The following IL17RD variants were observed in gnomAD, a reference collection of about 807,000 sequenced individuals.
IL17RD encodes interleukin-17 receptor D.
Under a neutral mutation model 80.5 loss-of-function variants are expected in IL17RD, and 52 were observed. The observed-to-expected ratio is 0.65, with a 90% CI of 0.52 to 0.81. The LOEUF is 0.81. Ranked by LOEUF, IL17RD falls within the 40% of genes least tolerant of loss-of-function variation. IL17RD has a pLI of 0.00. For missense variants in IL17RD, 1,024 were observed against 955.1 expected, an observed-to-expected ratio of 1.07 and a Z score of -0.95; for synonymous variants, 416 against 391.8, an observed-to-expected ratio of 1.06 and a Z score of -0.73.
Position 57,101,259 on chromosome 3 carries a change from A to G in IL17RD, c.1084T>C (p.Tyr362His). 1 of 1,613,696 alleles carries G rather than the reference A, an allele frequency of 6.2e-7. No individual in the cohort carries two copies. Among genetic ancestry groups the G allele is most frequent in the African/African-American group, 1.3e-5 (1 of 75,056 alleles). ...TGATTCTGGCCATCTTTACTGGAAT[A>G]GCAGAGAAAGACCTTCGGCCGCGGC... ...LRPRPKVFLCYSSKDGQNHMN... is the reference protein window; with the variant it reads ...LRPRPKVFLCHSSKDGQNHMN... Residue 362 changes from tyrosine (Y) to histidine (H), a missense_variant, in exon 11 of 13, where the codon TAT becomes CAT. Coordinates refer to ENST00000296318, the MANE Select transcript of IL17RD (RefSeq NM_017563.5).
rs964560197 is a variant in IL17RD at position 57,152,491 on chromosome 3, G to A, written c.126+12670C>T. On this transcript the variant is annotated intron_variant, in intron 1 of 12. Transcript: ENST00000296318. ...GCCCAGTCCTGAAAGCTGAACAAAC[G>A]CCCGGCACACAGGCCTGCCTGCGCC... 1.2e-4 allele frequency among the ~76,000 whole-genome samples: 18 copies of A among 152,202 alleles called. 1 individual carries two copies. The highest frequency in any genetic ancestry group is 1.9e-4 in the Non-Finnish European group (13 of 68,040).
chr3:57,138,054 G>C (rs1363166724), intron 1 of IL17RD, among the ~76,000 whole-genome samples: 1 of 152,200 alleles, frequency 6.6e-6, no homozygotes, highest in African/African-American at 2.4e-5. Flanking sequence ...ATTTAGAGCA[G>C]TCAAATTCAT....
At chr3:57,125,296 A>G (rs1317669668) in intron 1 of IL17RD, among the ~76,000 whole-genome samples, 1 of 152,088 alleles carries the variant, frequency 6.6e-6, no homozygotes, top group African/African-American at 2.4e-5. Context: ...AATCCCAGCT[A>G]CTTGGAAGGC....
Position 57,165,179 on chromosome 3 carries a change from G to T in IL17RD, c.108C>A (p.Ala36=). ...GCCTTACCCTCCAGCCACAGGTGTC[G>T]GCGCCCCGCGCGCGGCCGGACCCGC... The part of the protein sequence containing the change: ...AAGGSGRARG[A]DTCGWRGVGP... Residue 36 remains alanine (A), a synonymous_variant, in exon 1 of 13, where the codon GCC becomes GCA. Transcript: ENST00000296318. The T allele has an allele frequency of 6.5e-7, 1 of 1,527,218 alleles. No individual in the cohort carries two copies. The highest frequency in any genetic ancestry group is 8.8e-7 in the Non-Finnish European group (1 of 1,138,552). 94.6% of individuals were successfully genotyped at this position (1,527,218 alleles called of 1,614,324 possible). A position where few individuals can be genotyped will look rare whatever the true frequency, so the allele number is the denominator to read the frequency against.
rs1706959021 is a variant in IL17RD at position 57,106,090 on chromosome 3, A to G, written c.595+20T>C. ...GTGGCGATACTTTGAGACTTGATAG[A>G]TAAGAACACTATTACTTACAGGGTT... On this transcript the variant is annotated intron_variant, in intron 6 of 12. Transcript: ENST00000296318. 2 of 1,611,076 alleles carry G rather than the reference A, an allele frequency of 1.2e-6. No individual in the cohort carries two copies. Among genetic ancestry groups the G allele is most frequent in the African/African-American group, 1.3e-5 (1 of 74,842 alleles).
rs868787583 is a variant in IL17RD, at chr3:57,138,560, C to T, written c.127-18247G>A. Among the ~76,000 whole-genome samples the T allele has an allele frequency of 1.3e-5, 2 of 151,994 alleles. 1 individual carries two copies. The highest frequency in any genetic ancestry group is 4.2e-4 in the South Asian group (2 of 4,802). On this transcript the variant is annotated intron_variant, in intron 1 of 12. Transcript: ENST00000296318. ...CAGGACTTGGTGACAAATACAATACCGAGGTGATGATGAAATATTCAAAGG... is the reference window on the plus strand; with the variant it reads ...CAGGACTTGGTGACAAATACAATACTGAGGTGATGATGAAATATTCAAAGG...
upstream of IL17RD, among the ~76,000 whole-genome samples, chr3:57,167,693 C>T (rs1219964692): frequency 2.0e-5 from 3 of 152,206 alleles, no homozygotes; most frequent in Non-Finnish European, 2.9e-5. Context: ...TTATACATTT[C>T]TAGAATCAGA....
At chr3:57,150,938 A>G (rs1708047087) in intron 1 of IL17RD, among the ~76,000 whole-genome samples, 1 of 152,200 alleles carries the variant, frequency 6.6e-6, no homozygotes, top group African/African-American at 2.4e-5. Context: ...GATTCCTGGA[A>G]AACACTTTGA....
rs1706949248 is a variant in IL17RD, at chr3:57,105,837, A to G, written c.747+20T>C. On this transcript the variant is annotated intron_variant, in intron 7 of 12. Coordinates refer to ENST00000296318, the MANE Select transcript of IL17RD (RefSeq NM_017563.5). ...GCTTTGAAACACGCAGTGTTCCTTT[A>G]TATACACCCAGCAGCTCACCTGCTT... 6.2e-7 allele frequency: 1 copy of G among 1,610,664 alleles called. No homozygotes were observed. The highest frequency in any genetic ancestry group is 1.1e-5 in the South Asian group (1 of 90,658).
Position 57,136,048 on chromosome 3 carries a change from G to A in IL17RD, c.127-15735C>T, listed in dbSNP as rs955966824. The stretch of plus-strand genomic sequence containing the variant: ...ATAAATGTAGGGGATTTTATGATTA[G>A]ATGACTGGTCTCCAGTGAATAACAG... On this transcript the variant is annotated intron_variant, in intron 1 of 12. Coordinates refer to ENST00000296318, the MANE Select transcript of IL17RD (RefSeq NM_017563.5). Among the ~76,000 whole-genome samples the A allele has an allele frequency of 1.1e-4, 16 of 152,140 alleles. 2 individuals are homozygous for A. The highest frequency in any genetic ancestry group is 9.8e-4 in the Admixed American group (15 of 15,278).
chr3:57,136,416 C>T (rs150051832), intron 1 of IL17RD, among the ~76,000 whole-genome samples: 25 of 152,132 alleles, frequency 1.6e-4, no homozygotes, highest in Admixed American at 6.5e-4. Context: ...CAGGAATGCT[C>T]GAGACCAGGA....
intron 1 of IL17RD, chr3:57,150,640 C>T (rs541347745): frequency 6.6e-6 from 1 of 152,316 alleles, no homozygotes; most frequent in South Asian, 2.1e-4. Context: ...CACCAGATTT[C>T]CTCTGGATGG....
At chr3:57,157,084 G>A (rs1420596222) in intron 1 of IL17RD, among the ~76,000 whole-genome samples, 4 of 152,186 alleles carry the variant, frequency 2.6e-5, no homozygotes, top group African/African-American at 9.7e-5. Context: ...GTATGGAGAA[G>A]CCTCACAGAG....
At chr3:57,117,718 CAG>C (rs1707246867) in intron 2 of IL17RD, among the ~76,000 whole-genome samples, 1 of 152,140 alleles carries the variant, frequency 6.6e-6, no homozygotes, top group African/African-American at 2.4e-5. Context: ...CTGTGGAAGA[CAG>C]AAATATCTTT....
rs891998219 is a variant in IL17RD at position 57,098,162 on chromosome 3, C to T, written c.1541G>A (p.Arg514Gln). The T allele has an allele frequency of 6.2e-6, 10 of 1,613,958 alleles. No individual in the cohort carries two copies. The highest frequency in any genetic ancestry group is 1.1e-5 in the South Asian group (1 of 91,074). ...LPQLCSHLHS[R>Q]DHGLQEPGQH... ...CCCCGGCTCCTGGAGGCCGTGGTCT[C>T]GGGAGTGCAAGTGGGAACAGAGCTG... is the stretch of plus-strand genomic sequence containing the variant. Residue 514 changes from arginine (R) to glutamine (Q), a missense_variant, in exon 12 of 13, where the codon CGA becomes CAA. Physicochemically the swap from Arg to Gln is conservative, Grantham distance 43 (BLOSUM62 1). Coordinates refer to ENST00000296318, the MANE Select transcript of IL17RD (RefSeq NM_017563.5).
chr3:57,091,884 T>A lies in IL17RD; in HGVS notation c.*4509A>T, dbSNP rs968046796. 2 of 152,260 alleles carry A rather than the reference T, an allele frequency of 1.3e-5. No homozygotes were observed. The highest frequency in any genetic ancestry group is 2.9e-5 in the Non-Finnish European group (2 of 68,050). The allele number at this position is 152,260 out of a possible 1,614,324, so 9.4% of individuals were successfully genotyped here. On this transcript the variant is annotated 3_prime_UTR_variant, in exon 13 of 13. Transcript: ENST00000296318. ...GACACCAGGGGGAGAATATGCTAGA[T>A]AATCTAAACTCTCTCCTAGTCCCTA...
At position 57,098,136 on chromosome 3, in the gene IL17RD, GC is replaced by G. The variant is rs1185022730; in HGVS notation, c.1566del (p.Gln523SerfsTer66). 6.2e-7 allele frequency: 1 copy of G among 1,613,946 alleles called. No homozygotes were observed. Among genetic ancestry groups the G allele is most frequent in the Non-Finnish European group, 8.5e-7 (1 of 1,179,886 alleles). On this transcript the variant is annotated frameshift_variant, in exon 12 of 13. Transcript: ENST00000296318. LOFTEE classifies it high-confidence loss of function. ...CTTCTGCTGCCCTGTCGCGTGTGCT[GC>G]CCCGGCTCCTGGAGGCCGTGGTCTC... ...HSRDHGLQEP[G>X]QHTRQGSRRN...
upstream of IL17RD, among the ~76,000 whole-genome samples, chr3:57,165,979 C>CTGA (rs2060346599): frequency 1.3e-5 from 2 of 152,244 alleles, no homozygotes; most frequent in Non-Finnish European, 2.9e-5. Context: ...CTATCATTAA[C>CTGA]TGACTCTCAT....
chr3:57,127,289 T>TAA lies in IL17RD; in HGVS notation c.127-6977_127-6976insTT, dbSNP rs1707494516. On this transcript the variant is annotated intron_variant, in intron 1 of 12. Transcript: ENST00000296318. ...ATATATATAAAAATATATATAAATA[T>TAA]ATATAAATATATATAAAAATATATA... 9.8e-5 allele frequency among the ~76,000 whole-genome samples: 9 copies of TAA among 91,856 alleles called. 1 individual carries two copies. In the South Asian group the frequency reaches 2.5e-3, roughly 26 times the overall value. The allele number at this position is 91,856 out of a possible 152,430, so 60.3% of individuals were successfully genotyped here. A position where few individuals can be genotyped will look rare whatever the true frequency, so the allele number is the denominator to read the frequency against.
Sources: gnomAD v4.1 joint callset for allele counts (sites outside exome capture counted in the v4.1 genomes callset) on GRCh38, gnomAD v4.1.1 for gene constraint, MANE v1.5 for transcripts, NCBI Gene and HGNC (gene_info 2026-07-23, HGNC 2026-07-21) for gene names.